Variants in RFX1 observed in about 807,000 individuals in gnomAD.
The protein encoded by RFX1 is regulatory factor X1, also known as MHC class II regulatory factor RFX1.
A neutral mutation model predicts 119.6 loss-of-function variants in RFX1; 42 were observed. The observed-to-expected ratio is 0.35, with a 90% CI of 0.27 to 0.45. RFX1 has a LOEUF of 0.45. Among genes scored for constraint, RFX1 ranks in the 20% least tolerant of loss-of-function variants. The probability of loss-of-function intolerance (pLI) is 1.00; values close to 1 mark genes in which losing one functional copy is unlikely to be tolerated. For synonymous variants in RFX1, 628 were observed against 618.5 expected, an observed-to-expected ratio of 1.02 and a Z score of -0.23; for missense variants, 1,118 against 1,368.1, an observed-to-expected ratio of 0.82 and a Z score of 2.88.
At position 13,968,571 on chromosome 19, in the gene RFX1, A is replaced by G. The variant is rs1973976013; in HGVS notation, c.1726T>C (p.Phe576Leu). The G allele has an allele frequency of 6.2e-7, 1 of 1,613,006 alleles. No individual in the cohort carries two copies. Among genetic ancestry groups the G allele is most frequent in the Non-Finnish European group, 8.5e-7 (1 of 1,179,534 alleles). Reference protein sequence around the residue: ...ISAQVQQYQQFLDASRSLPDF... With the variant: ...ISAQVQQYQQLLDASRSLPDF... ...CGGGCCAGGGAGCTCTCACCCAAAA[A>G]TTGCTGGTACTGCTGCACCTGGGCG... Residue 576 changes from phenylalanine (F) to leucine (L), a missense_variant, in exon 12 of 21, where the codon TTT becomes CTT. Physicochemically the swap from Phe to Leu is conservative, Grantham distance 22 (BLOSUM62 0). Transcript: ENST00000254325. The surrounding 1 kb of genome is among the most constrained non-coding windows in gnomAD (Gnocchi z 5.5).
At chr19:13,997,467 C>A (rs1975075661) in intron 1 of RFX1, among the ~76,000 whole-genome samples, 1 of 152,216 alleles carries the variant, frequency 6.6e-6, no homozygotes, top group Admixed American at 6.5e-5. Flanking sequence ...TGTGGCCAGG[C>A]ACCTGGCATG....
chr19:13,966,670 A>C lies in RFX1; in HGVS notation c.1814T>G (p.Ile605Ser), dbSNP rs1336751489. ...CCGGTACAGGACCTGGAAGGCTTTG[A>C]TGTCCCCGGGCCCGACGCCCTCAGG... ...VLPEGVGPGDIKAFQVLYREH... is the reference protein window; with the variant it reads ...VLPEGVGPGDSKAFQVLYREH... Residue 605 changes from isoleucine (I) to serine (S), a missense_variant, in exon 13 of 21, where the codon ATC becomes AGC. Around this residue, in one of 5 missense-constraint regions of RFX1, gnomAD observed 338 missense variants for 508.9 expected, o/e 0.66. Transcript: ENST00000254325. This position sits in a 1 kb window ranked among gnomAD's most constrained non-coding sequence, Gnocchi z 6.3. 1.2e-6 allele frequency: 2 copies of C among 1,610,020 alleles called. No homozygotes were observed. The highest frequency in any genetic ancestry group is 1.7e-6 in the Non-Finnish European group (2 of 1,178,272).
intron 1 of RFX1, among the ~76,000 whole-genome samples, chr19:13,996,137 C>T (rs997394553): frequency 6.6e-6 from 1 of 152,182 alleles, no homozygotes; most frequent in African/African-American, 2.4e-5. Context: ...TCCGGCTCAG[C>T]CCCACTGTAG....
rs893040441 is a variant in RFX1, at chr19:13,965,059, T to C, written c.2211+390A>G. Among the ~76,000 whole-genome samples the C allele has an allele frequency of 6.6e-6, 1 of 152,214 alleles. No individual in the cohort carries two copies. The highest frequency in any genetic ancestry group is 1.5e-5 in the Non-Finnish European group (1 of 68,034). ...TAAGTAGTCAGCGAATGTGCATCTT[T>C]TGATGAAAAAGGCAAGTATTATGTT... On this transcript the variant is annotated intron_variant, in intron 16 of 20. Coordinates refer to ENST00000254325, the MANE Select transcript of RFX1 (RefSeq NM_002918.5). This position sits in a 1 kb window ranked among gnomAD's most constrained non-coding sequence, Gnocchi z 4.7.
chr19:13,979,670 C>G (rs1974367937), intron 6 of RFX1, 128 bp from the exon 7 acceptor site: 1 of 520,380 alleles, frequency 1.9e-6, no homozygotes, highest in Non-Finnish European at 3.3e-6. Context: ...CATTCTCCAG[C>G]CAAGCAAGGA....
chr19:13,963,594 G>A lies in RFX1; in HGVS notation c.2514C>T (p.Gly838=), dbSNP rs1458078640. 2 of 1,604,894 alleles carry A rather than the reference G, an allele frequency of 1.2e-6. No individual in the cohort carries two copies. The highest frequency in any genetic ancestry group is 1.3e-5 in the African/African-American group (1 of 74,980). Residue 838 remains glycine, a synonymous_variant, in exon 18 of 21, where the codon GGC becomes GGT. Transcript: ENST00000254325. ...TGGCGGCCTTGGGGAAGCCGGCGCT[G>A]CCCTGGTAGGGCTTGAGCACCTGGC... is the stretch of plus-strand genomic sequence containing the variant. ...VVSQVLKPYQ[G]SAGFPKAAKL...
Position 13,968,041 on chromosome 19 carries a change from G to A in RFX1, c.1732+524C>T, listed in dbSNP as rs1973960615. Among the ~76,000 whole-genome samples the A allele has an allele frequency of 6.6e-6, 1 of 151,976 alleles. No homozygotes were observed. On this transcript the variant is annotated intron_variant, in intron 12 of 20. Transcript: ENST00000254325. The surrounding 1 kb of genome is among the most constrained non-coding windows in gnomAD (Gnocchi z 5.5). ...GGCCAAGGTGGGAGGATCACTTCAG[G>A]TCAGGAGTTCGAGACCAGCCTAGCC...
rs754632913 is a variant in RFX1 at position 13,968,666 on chromosome 19, T to G, written c.1631A>C (p.Gln544Pro). 1.6e-5 allele frequency: 26 copies of G among 1,613,022 alleles called. No individual in the cohort carries two copies. The South Asian group carries it at 2.5e-4, about 16-fold the overall frequency. Residue 544 changes from glutamine to proline, a missense_variant, in exon 12 of 21, where the codon CAG (glutamine) becomes CCG (proline). Gln to Pro is a moderately conservative substitution (Grantham distance 76, BLOSUM62 -1). Coordinates refer to ENST00000254325, the MANE Select transcript of RFX1 (RefSeq NM_002918.5). This position sits in a 1 kb window ranked among gnomAD's most constrained non-coding sequence, Gnocchi z 5.5. ...FSQKQRLKPI[Q>P]KMEGMTNGVA... ...GCCGTTGGTCATGCCTTCCATCTTC[T>G]GGATGGGCTTGAGCCTGGAGTAGAA...
At position 13,965,320 on chromosome 19, in the gene RFX1, G is replaced by T; in HGVS notation, c.2211+129C>A. On this transcript the variant is annotated intron_variant, in intron 16 of 20. Coordinates refer to ENST00000254325, the MANE Select transcript of RFX1 (RefSeq NM_002918.5). The surrounding 1 kb of genome is among the most constrained non-coding windows in gnomAD (Gnocchi z 4.7). ...CAGGGTGCTCCCCGAGGCGGAGAAG[G>T]TCTCCCCTTCCTCCACAGGCATCAT... 1.2e-6 allele frequency: 1 copy of T among 822,482 alleles called. No individual in the cohort carries two copies. The highest frequency in any genetic ancestry group is 2.0e-6 in the Non-Finnish European group (1 of 501,550). 50.9% of individuals were successfully genotyped at this position (822,482 alleles called of 1,614,324 possible). A position where few individuals can be genotyped will look rare whatever the true frequency, so the allele number is the denominator to read the frequency against.
In RFX1 at chr19:13,961,935, A is replaced by AGTT. The variant is rs1555746665; in HGVS notation, c.*759_*760insAAC. On this transcript the variant is annotated 3_prime_UTR_variant, in exon 21 of 21. Coordinates refer to ENST00000254325, the MANE Select transcript of RFX1 (RefSeq NM_002918.5). ...CGGAGGAGAAGCGTGGTCTCCGGGA[A>AGTT]GATAGGGGCACAGAAAAGGTTCCAT... 39 of 152,324 alleles carry AGTT rather than the reference A, an allele frequency of 2.6e-4. No homozygotes were observed. Among genetic ancestry groups the AGTT allele is most frequent in the African/African-American group, 9.4e-4 (39 of 41,556 alleles). 9.4% of individuals were successfully genotyped at this position (152,324 alleles called of 1,614,324 possible).
rs540588858 is a variant in RFX1 at position 13,990,140 on chromosome 19, G to A, written c.319+3385C>T. 6.6e-6 allele frequency among the ~76,000 whole-genome samples: 1 copy of A among 152,282 alleles called. No individual in the cohort carries two copies. Among genetic ancestry groups the A allele is most frequent in the East Asian group, 1.9e-4 (1 of 5,176 alleles). Reference sequence around the variant, plus strand: ...TGTGGGTAATGAGAGCTGGGACACAGGATGAGGCCATCGTTAAGGGAGAAC... The same window carrying A: ...TGTGGGTAATGAGAGCTGGGACACAAGATGAGGCCATCGTTAAGGGAGAAC... On this transcript the variant is annotated intron_variant, in intron 2 of 20. Coordinates refer to ENST00000254325, the MANE Select transcript of RFX1 (RefSeq NM_002918.5). The surrounding 1 kb of genome is among the most constrained non-coding windows in gnomAD (Gnocchi z 4.1).
chr19:13,972,000 G>A (rs907821360), intron 9 of RFX1, among the ~76,000 whole-genome samples: 2 of 151,906 alleles, frequency 1.3e-5, no homozygotes, highest in Admixed American at 6.6e-5. Flanking sequence ...GCAAGACTCC[G>A]TCTTAAACAA....
Position 13,961,804 on chromosome 19 carries a change from AAC to A in RFX1, c.*889_*890del, listed in dbSNP as rs1973673577. 6.6e-6 allele frequency: 1 copy of A among 152,352 alleles called. No individual in the cohort carries two copies. 9.4% of individuals were successfully genotyped at this position (152,352 alleles called of 1,614,324 possible). Reference sequence around the variant, plus strand: ...AGGCTGAAAACACTGAGAAAACTGGAACAGATAAGGCCATGATGGTTGGAAAA... The same window carrying A: ...AGGCTGAAAACACTGAGAAAACTGGAAGATAAGGCCATGATGGTTGGAAAA... On this transcript the variant is annotated 3_prime_UTR_variant, in exon 21 of 21. Coordinates refer to ENST00000254325, the MANE Select transcript of RFX1 (RefSeq NM_002918.5).
At chr19:13,970,539 C>T (rs1206384077) in intron 9 of RFX1, among the ~76,000 whole-genome samples, 2 of 151,662 alleles carry the variant, frequency 1.3e-5, no homozygotes, top group Non-Finnish European at 2.9e-5. Context: ...GTGGTGCACA[C>T]CTGCAGTCCC....
chr19:14,005,364 G>A (rs1183739365), intron 1 of RFX1, among the ~76,000 whole-genome samples: 7 of 152,224 alleles, frequency 4.6e-5, no homozygotes, highest in African/African-American at 1.7e-4. Context: ...CAGAGAGAAG[G>A]TGGCAGGTTT....
At position 13,963,945 on chromosome 19, in the gene RFX1, C is replaced by A; in HGVS notation, c.2274G>T (p.Ala758=). Residue 758 remains alanine (A), a synonymous_variant, in exon 17 of 21, where the codon GCG becomes GCT. Coordinates refer to ENST00000254325, the MANE Select transcript of RFX1 (RefSeq NM_002918.5). ...TCTGCAGCACAGCGCGCGCCGCCTG[C>A]GCCAGGTGGTTGAGCGACGTGTAGC... ...LRRYTSLNHL[A]QAARAVLQNT... is the part of the protein sequence containing the mutation. The A allele has an allele frequency of 6.5e-7, 1 of 1,544,984 alleles. No individual in the cohort carries two copies. Among genetic ancestry groups the A allele is most frequent in the Non-Finnish European group, 8.7e-7 (1 of 1,147,420 alleles).
rs78547527 is a variant in RFX1, at chr19:13,969,661, A to C, written c.1496+333T>G. 2 of 151,030 alleles carry C rather than the reference A, an allele frequency of 1.3e-5. No homozygotes were observed. Among genetic ancestry groups the C allele is most frequent in the Non-Finnish European group, 2.9e-5 (2 of 69,110 alleles). The allele number at this position is 151,030 out of a possible 1,614,324, so 9.4% of individuals were successfully genotyped here. On this transcript the variant is annotated intron_variant, in intron 10 of 20. Coordinates refer to ENST00000254325, the MANE Select transcript of RFX1 (RefSeq NM_002918.5). The surrounding 1 kb of genome is among the most constrained non-coding windows in gnomAD (Gnocchi z 4.5). ...GCCACAGAGTGAGACTCTTGTCTCC[A>C]AAAAAAAAAAAAAGTCACGTGTGAG...
intron 9 of RFX1, among the ~76,000 whole-genome samples, chr19:13,972,173 A>G (rs1599483012): frequency 6.6e-6 from 1 of 151,312 alleles, no homozygotes; most frequent in South Asian, 2.1e-4. Flanking sequence ...TGTCTCAAAA[A>G]AAAAAAAAAA....
rs561956336 is a variant in RFX1 at position 13,966,418 on chromosome 19, C to G, written c.1961+3G>C. On this transcript the variant is annotated splice_donor_region_variant and intron_variant, in intron 14 of 20. Transcript: ENST00000254325. The surrounding 1 kb of genome is among the most constrained non-coding windows in gnomAD (Gnocchi z 6.3). Reference sequence around the variant, plus strand: ...CCTCCCACAGTCGCCGGGCAGTACTCACACAGCCAGCGGTGGCGCCTCACT... The same window carrying G: ...CCTCCCACAGTCGCCGGGCAGTACTGACACAGCCAGCGGTGGCGCCTCACT... The G allele has an allele frequency of 1.9e-6, 3 of 1,596,332 alleles. No homozygotes were observed. In the South Asian group the frequency reaches 3.3e-5, roughly 18 times the overall value.
Sources: allele counts gnomAD v4.1 joint callset (sites outside exome capture counted in the v4.1 genomes callset), GRCh38; gene constraint gnomAD v4.1.1; regional missense constraint gnomAD v4.1.1; non-coding constraint Gnocchi (gnomAD v3.1); transcripts MANE v1.5; gene names NCBI Gene and HGNC (gene_info 2026-07-23, HGNC 2026-07-21).